The following MEGF6 variants were observed in gnomAD, a reference collection of about 807,000 sequenced individuals.
MEGF6 encodes multiple EGF like domains 6, also known as multiple epidermal growth factor-like domains protein 6.
Under a neutral mutation model 207.1 loss-of-function variants are expected in MEGF6, and 184 were observed. The observed-to-expected ratio is 0.89, with a 90% CI of 0.79 to 1.00. The LOEUF (loss-of-function observed/expected upper bound fraction) is 1.00. Ranked by LOEUF, MEGF6 falls within the 50% of genes least tolerant of loss-of-function variation. MEGF6 has a pLI of 0.00. For missense variants in MEGF6, 2,282 were observed against 2,202.9 expected (o/e 1.04, Z -0.72); for synonymous variants, 1,038 against 910.0 (o/e 1.14, Z -2.53).
intron 14 of MEGF6, among the ~76,000 whole-genome samples, 174 bp from the exon 15 acceptor site, chr1:3,506,410 C>A (rs932227085): frequency 6.6e-6 from 1 of 152,174 alleles, no homozygotes; most frequent in Non-Finnish European, 1.5e-5. Context: ...GCTGGTCTGT[C>A]CCCTACATCC....
intron 18 of MEGF6, among the ~76,000 whole-genome samples, 156 bp downstream of exon 18, chr1:3,501,640 C>T (rs1008141397): frequency 2.0e-5 from 3 of 152,110 alleles, no homozygotes; most frequent in Non-Finnish European, 4.4e-5. Context: ...GCCACAGACC[C>T]CCCCTCCCTA....
intron 4 of MEGF6, among the ~76,000 whole-genome samples, chr1:3,550,080 C>T (rs921648299): frequency 6.6e-6 from 1 of 152,194 alleles, no homozygotes. Context: ...ATGCCCCCAG[C>T]CCTCCCCATC....
intron 7 of MEGF6, 148 bp downstream of exon 7, chr1:3,514,402 G>T: frequency 9.7e-7 from 1 of 1,032,360 alleles, no homozygotes; most frequent in Non-Finnish European, 1.3e-6. Flanking sequence ...AGATGAGACC[G>T]CCACATCCCA....
At chr1:3,551,984 C>T (rs1642903368) in intron 4 of MEGF6, among the ~76,000 whole-genome samples, 1 of 152,176 alleles carries the variant, frequency 6.6e-6, no homozygotes, top group African/African-American at 2.4e-5. Flanking sequence ...ATCAGCAATC[C>T]CAGCCCCTTG....
In MEGF6 at chr1:3,494,626, C is replaced by T; in HGVS notation, c.3987G>A (p.Arg1329=). The change falls in exon 31 of 37, where the codon CGG becomes CGA. Residue 1329 remains arginine (R), a synonymous_variant. Transcript: ENST00000356575. Reference sequence around the variant, plus strand: ...CCGCACACTCACCCAGCTCGCAGTGCCGCCCCGTCCAGCCCAGGCCACAGG... The same window carrying T: ...CCGCACACTCACCCAGCTCGCAGTGTCGCCCCGTCCAGCCCAGGCCACAGG... ...SCSCGLGWTG[R]HCELACPPGR... is the part of the protein sequence containing the mutation. 1 of 1,561,954 alleles carries T rather than the reference C, an allele frequency of 6.4e-7. No homozygotes were observed. Among genetic ancestry groups the T allele is most frequent in the Non-Finnish European group, 8.7e-7 (1 of 1,155,244 alleles).
chr1:3,499,943 G>A lies in MEGF6; in HGVS notation c.2708-19C>T, dbSNP rs1370139598. ...GGACACTCTGAGATATGCAGCCCCG[G>A]CCCACAGTCAGCCAGAGGGCCAGGA... On this transcript the variant is annotated intron_variant, in intron 21 of 36. Coordinates refer to ENST00000356575, the MANE Select transcript of MEGF6 (RefSeq NM_001409.4). 6.5e-7 allele frequency: 1 copy of A among 1,545,880 alleles called. No homozygotes were observed. Among genetic ancestry groups the A allele is most frequent in the South Asian group, 1.2e-5 (1 of 83,150 alleles).
intron 4 of MEGF6, among the ~76,000 whole-genome samples, chr1:3,555,599 T>C (rs1019026327): frequency 1.3e-5 from 2 of 152,180 alleles, no homozygotes; most frequent in Non-Finnish European, 2.9e-5. Flanking sequence ...AAGACCCCTG[T>C]GGTTCTCATG....
chr1:3,514,530 G>A lies in MEGF6; in HGVS notation c.853+20C>T, dbSNP rs1641467425. ...GCTTTCTGACCCTGGGCGGGGCGGAGCAGGGGAGGGGCGTCCTACCTTCAC... is the reference window on the plus strand; with the variant it reads ...GCTTTCTGACCCTGGGCGGGGCGGAACAGGGGAGGGGCGTCCTACCTTCAC... On this transcript the variant is annotated intron_variant, in intron 7 of 36. Coordinates refer to ENST00000356575, the MANE Select transcript of MEGF6 (RefSeq NM_001409.4). 1 of 1,582,420 alleles carries A rather than the reference G, an allele frequency of 6.3e-7. No individual in the cohort carries two copies. Among genetic ancestry groups the A allele is most frequent in the South Asian group, 1.1e-5 (1 of 87,724 alleles).
intron 4 of MEGF6, among the ~76,000 whole-genome samples, chr1:3,535,860 G>A (rs908401623): frequency 1.3e-5 from 2 of 152,216 alleles, no homozygotes; most frequent in African/African-American, 2.4e-5. Flanking sequence ...GGTTCCTCCA[G>A]GGGAATGGCT....
chr1:3,529,732 G>A (rs35026651), intron 4 of MEGF6, among the ~76,000 whole-genome samples: 40,373 of 152,096 alleles, frequency 0.27, 5,865 homozygotes, highest in Middle Eastern at 0.34. Context: ...CACCACCCAC[G>A]TCCCACAGCT....
chr1:3,592,855 AAAC>A (rs1355866058), intron 3 of MEGF6, among the ~76,000 whole-genome samples: 1 of 152,240 alleles, frequency 6.6e-6, no homozygotes, highest in Non-Finnish European at 1.5e-5. Context: ...GAATGTTTAA[AAAC>A]AAGAAGAAAG....
upstream of MEGF6, among the ~76,000 whole-genome samples, chr1:3,611,754 C>A (rs1337648513): frequency 6.6e-6 from 1 of 151,338 alleles, no homozygotes; most frequent in Non-Finnish European, 1.5e-5. Flanking sequence ...GGTCCCGGCC[C>A]CGCCCACAGC....
intron 17 of MEGF6, among the ~76,000 whole-genome samples, chr1:3,502,122 C>CCCCGCCT (rs1177372306): frequency 2.8e-3 from 11 of 3,928 alleles, no homozygotes; most frequent in African/African-American, 8.5e-3. Flanking sequence ...GGCTCTAGCC[C>CCCCGCCT]CCGGGGGTGG....
chr1:3,507,680 A>T, intron 14 of MEGF6, 115 bp downstream of exon 14: 4 of 1,389,050 alleles, frequency 2.9e-6, no homozygotes, highest in Non-Finnish European at 4.1e-6. Flanking sequence ...GTTTGGTAGC[A>T]GTTTCCCTGC....
At chr1:3,621,741 G>A in the MEGF6 span, among the ~76,000 whole-genome samples, 32,817 of 152,106 alleles carry the variant, frequency 0.22, 4,302 homozygotes, top group East Asian at 0.34. Context: ...TGGAAAAGCC[G>A]TAGGCACTCA....
intron 4 of MEGF6, among the ~76,000 whole-genome samples, chr1:3,528,670 G>C (rs1642046844): frequency 6.6e-6 from 1 of 152,148 alleles, no homozygotes; most frequent in Non-Finnish European, 1.5e-5. Flanking sequence ...TGGAAGCAGA[G>C]GTCGGAGGGA....
Position 3,595,482 on chromosome 1 carries a change from C to T in MEGF6, c.267-35G>A, listed in dbSNP as rs746619050. 9 of 1,566,308 alleles carry T rather than the reference C, an allele frequency of 5.7e-6. No homozygotes were observed. In the African/African-American group the frequency reaches 6.8e-5, roughly 12 times the overall value. On this transcript the variant is annotated intron_variant, in intron 2 of 36. Transcript: ENST00000356575. ...AAGAGAGAAGGGAAGTGCTTACCGT[C>T]GCGGGACTGGCTGTATTCGGCTCTC... is the stretch of plus-strand genomic sequence containing the variant.
At position 3,490,944 on chromosome 1, in the gene MEGF6, A is replaced by G. The variant is rs1209377240; in HGVS notation, c.4532T>C (p.Leu1511Pro). Residue 1511 changes from leucine to proline, a missense_variant, in exon 36 of 37, where the codon CTC (leucine) becomes CCC (proline). Physicochemically the swap from Leu to Pro is moderately conservative, Grantham distance 98. Coordinates refer to ENST00000356575, the MANE Select transcript of MEGF6 (RefSeq NM_001409.4). ...CTGGGCTAAGGACGGGTTCTCGGGG[A>G]GCCGGAGGGGCCCACCTGGAGGGGA... Reference protein sequence around the residue: ...PTCREGGPLRLPENPSLAQGS... With the variant: ...PTCREGGPLRPPENPSLAQGS... The G allele has an allele frequency of 2.5e-6, 4 of 1,601,114 alleles. No homozygotes were observed. The highest frequency in any genetic ancestry group is 1.4e-5 in the African/African-American group (1 of 74,064).
At position 3,509,178 on chromosome 1, in the gene MEGF6, G is replaced by C; in HGVS notation, c.1425C>G (p.Ala475=). Reference sequence around the variant, plus strand: ...GTTGCGGCAGCTCGTCCTGGAGCACGGCAATGTGGGGCAGGGGCCGCACGA... The same window carrying C: ...GTTGCGGCAGCTCGTCCTGGAGCACCGCAATGTGGGGCAGGGGCCGCACGA... ...LPFVRPLPHI[A]VLQDELPQLF... The change falls in exon 12 of 37, where the codon GCC becomes GCG. Residue 475 remains alanine (A), a synonymous_variant. Transcript: ENST00000356575. 2 of 1,578,240 alleles carry C rather than the reference G, an allele frequency of 1.3e-6. No homozygotes were observed. Among genetic ancestry groups the C allele is most frequent in the Non-Finnish European group, 8.6e-7 (1 of 1,162,666 alleles).
Sources: allele counts gnomAD v4.1 joint callset (sites outside exome capture counted in the v4.1 genomes callset), GRCh38; gene constraint gnomAD v4.1.1; transcripts MANE v1.5; gene names NCBI Gene and HGNC (gene_info 2026-07-23, HGNC 2026-07-21).